TENM4: variants seen among roughly 807,000 people sequenced by gnomAD.
TENM4 encodes the protein teneurin-4.
A neutral mutation model predicts 243.3 loss-of-function variants in TENM4; 82 were observed. The observed-to-expected ratio is 0.34, with a 90% CI of 0.28 to 0.40. TENM4 has a LOEUF of 0.40. Ranked by LOEUF, TENM4 falls within the 10% of genes least tolerant of loss-of-function variation. The pLI is 1.00. For missense variants in TENM4, 3,138 were observed against 3,673.3 expected, an observed-to-expected ratio of 0.85 and a Z score of 3.77; for synonymous variants, 1,412 against 1,456.3, an observed-to-expected ratio of 0.97 and a Z score of 0.69.
At position 79,173,123 on chromosome 11, in the gene TENM4, A is replaced by G. The variant is rs1367447798; in HGVS notation, c.-162-24317T>C. On this transcript the variant is annotated intron_variant, in intron 3 of 33. Transcript: ENST00000278550. ...TTGGCCCTAACTTTGTTCAATAAGT[A>G]TTTGTTAAATAAATGAACACACAGT... 2.0e-5 allele frequency among the ~76,000 whole-genome samples: 3 copies of G among 152,270 alleles called. No homozygotes were observed. In the East Asian group the frequency reaches 5.8e-4, roughly 29 times the overall value.
chr11:79,232,270 G>A (rs1489783640), intron 2 of TENM4, among the ~76,000 whole-genome samples: 3 of 152,202 alleles, frequency 2.0e-5, no homozygotes, highest in Admixed American at 6.5e-5. Flanking sequence ...TGAAGCTGGT[G>A]AGGACTGTTT....
Position 78,805,282 on chromosome 11 carries a change from C to CCCACCACACCCCCCCCCCCAA in TENM4, c.2179+9_2179+10insTTGGGGGGGGGGGTGTGGTGG. The CCCACCACACCCCCCCCCCCAA allele has an allele frequency of 1.0e-6, 1 of 995,568 alleles. No homozygotes were observed. The highest frequency in any genetic ancestry group is 1.2e-6 in the Non-Finnish European group (1 of 823,790). 61.7% of individuals were successfully genotyped at this position (995,568 alleles called of 1,614,324 possible). ...CCCTCTACCCATGCTTCTTCTCCCC[C>CCCACCACACCCCCCCCCCCAA]TGCATTTACCGATAGAACAGTCGTG... On this transcript the variant is annotated intron_variant, in intron 15 of 33. Transcript: ENST00000278550.
intron 1 of TENM4, among the ~76,000 whole-genome samples, chr11:79,413,454 G>A (rs1858745357): frequency 6.6e-6 from 1 of 152,214 alleles, no homozygotes; most frequent in Non-Finnish European, 1.5e-5. Context: ...TCCTGACACA[G>A]AGAGTCCAGC....
chr11:79,130,159 C>G (rs1331921049), intron 4 of TENM4, among the ~76,000 whole-genome samples: 1 of 152,134 alleles, frequency 6.6e-6, no homozygotes, highest in African/African-American at 2.4e-5. Context: ...GTTCGGCTTA[C>G]AGGAGCGCAC....
intron 20 of TENM4, among the ~76,000 whole-genome samples, chr11:78,735,838 A>ACCCCCC (rs145542969): frequency 7.6e-6 from 1 of 131,836 alleles, no homozygotes; most frequent in African/African-American, 2.9e-5. Flanking sequence ...CTTGGCTCCC[A>ACCCCCC]CCCCTCCCCT....
intron 17 of TENM4, among the ~76,000 whole-genome samples, chr11:78,771,818 A>G (rs1856651688): frequency 6.6e-6 from 1 of 152,182 alleles, no homozygotes; most frequent in African/African-American, 2.4e-5. Context: ...AACACTAACT[A>G]GGGCTGTCTG....
At chr11:79,383,352 TCCACC>T (rs1469509203) in intron 1 of TENM4, among the ~76,000 whole-genome samples, 1 of 152,210 alleles carries the variant, frequency 6.6e-6, no homozygotes, top group Non-Finnish European at 1.5e-5. Flanking sequence ...GTGGTTTGGT[TCCACC>T]CCCAGGTGCC....
At chr11:79,286,046 C>A (rs1343588598) in intron 2 of TENM4, among the ~76,000 whole-genome samples, 1 of 152,062 alleles carries the variant, frequency 6.6e-6, no homozygotes, top group Non-Finnish European at 1.5e-5. Context: ...TGAATTATAT[C>A]TCAATAATGC....
At chr11:79,210,075 C>T (rs147687311) in intron 3 of TENM4, among the ~76,000 whole-genome samples, 1 of 152,308 alleles carries the variant, frequency 6.6e-6, no homozygotes, top group African/African-American at 2.4e-5. Context: ...ACAATATACT[C>T]TTAGCCTCAT....
chr11:78,882,610 T>A (rs1267369011), intron 9 of TENM4, among the ~76,000 whole-genome samples: 1 of 152,218 alleles, frequency 6.6e-6, no homozygotes, highest in African/African-American at 2.4e-5. Flanking sequence ...CCAGTTTGTA[T>A]GATGAAATGT....
At chr11:78,924,691 C>G (rs552127219) in intron 6 of TENM4, 9 of 152,204 alleles carry the variant, frequency 5.9e-5, no homozygotes, top group Non-Finnish European at 8.8e-5. Context: ...TCGGCCCTAA[C>G]AGCTGTCTGC....
At chr11:79,129,787 T>A (rs1299340900) in intron 4 of TENM4, among the ~76,000 whole-genome samples, 1 of 152,070 alleles carries the variant, frequency 6.6e-6, no homozygotes, top group African/African-American at 2.4e-5. Flanking sequence ...GACCTGATGG[T>A]CCTTTCGTAC....
At chr11:78,705,961 A>C (rs567534859) in intron 27 of TENM4, among the ~76,000 whole-genome samples, 1 of 152,354 alleles carries the variant, frequency 6.6e-6, no homozygotes, top group South Asian at 2.1e-4. Flanking sequence ...TCCTATTACT[A>C]GCTGCTGGGC....
At chr11:79,280,589 C>T (rs1856139648) in intron 2 of TENM4, among the ~76,000 whole-genome samples, 1 of 152,238 alleles carries the variant, frequency 6.6e-6, no homozygotes, top group South Asian at 2.1e-4. Flanking sequence ...TCACCCACGC[C>T]TGGCCCCGGG....
At position 78,669,243 on chromosome 11, in the gene TENM4, C is replaced by A. The variant is rs1410993952; in HGVS notation, c.7102G>T (p.Ala2368Ser). Residue 2368 changes from alanine to serine, a missense_variant, in exon 32 of 34, where the codon GCT (alanine) becomes TCT (serine). Coordinates refer to ENST00000278550, the MANE Select transcript of TENM4 (RefSeq NM_001098816.3). The surrounding 1 kb of genome is among the most constrained non-coding windows in gnomAD (Gnocchi z 6.4). ...ATCAAACCTGTTCCACTAAAGACAG[C>A]AAGAGGGGTCCCGATGTTGTCACAA... Reference protein sequence around the residue: ...IACDNIGTPLAVFSGTGLMIK... With the variant: ...IACDNIGTPLSVFSGTGLMIK... The A allele has an allele frequency of 3.1e-6, 5 of 1,613,950 alleles. No homozygotes were observed. The highest frequency in any genetic ancestry group is 4.2e-6 in the Non-Finnish European group (5 of 1,179,880).
At chr11:78,785,479 G>A (rs879843337) in intron 16 of TENM4, among the ~76,000 whole-genome samples, 3 of 152,106 alleles carry the variant, frequency 2.0e-5, no homozygotes, top group Non-Finnish European at 2.9e-5. Flanking sequence ...GTAAGCAGCT[G>A]GTAAGGAAAA....
intron 6 of TENM4, among the ~76,000 whole-genome samples, chr11:78,975,185 G>A (rs1379692040): frequency 6.7e-6 from 1 of 149,858 alleles, no homozygotes; most frequent in Admixed American, 6.7e-5. Context: ...TGGGGGTAGG[G>A]TGGGTGGGGC....
chr11:78,951,298 C>T (rs1021599782), intron 6 of TENM4, among the ~76,000 whole-genome samples: 1 of 152,168 alleles, frequency 6.6e-6, no homozygotes, highest in Non-Finnish European at 1.5e-5. Flanking sequence ...GCACAGGACC[C>T]CACACAGAGC....
intron 3 of TENM4, among the ~76,000 whole-genome samples, chr11:79,214,978 T>C (rs1344101934): frequency 6.6e-6 from 1 of 152,232 alleles, no homozygotes; most frequent in African/African-American, 2.4e-5. Context: ...TACTGCAGCA[T>C]AACTAAGCCT....
Sources: gnomAD v4.1 joint callset for allele counts (sites outside exome capture counted in the v4.1 genomes callset) on GRCh38, gnomAD v4.1.1 for gene constraint, Gnocchi (gnomAD v3.1) non-coding constraint, MANE v1.5 for transcripts, NCBI Gene and HGNC (gene_info 2026-07-23, HGNC 2026-07-21) for gene names.